CFAP263: variants seen among roughly 807,000 people sequenced by gnomAD.
The protein encoded by CFAP263 is cilia- and flagella-associated protein 263.
the CFAP263 span, among the ~76,000 whole-genome samples, chr16:58,273,546 C>T: frequency 2.0e-5 from 3 of 152,100 alleles, no homozygotes; most frequent in African/African-American, 7.2e-5. Flanking sequence ...TGAATTTCTA[C>T]CTCTTTGTTG....
At chr16:58,267,029 C>T in the CFAP263 span, among the ~76,000 whole-genome samples, 2 of 152,176 alleles carry the variant, frequency 1.3e-5, no homozygotes, top group African/African-American at 4.8e-5. Context: ...GTAGCACCCA[C>T]CTCATGAGGA....
At chr16:58,278,477 C>T in the CFAP263 span, 1 of 1,613,728 alleles carries the variant, frequency 6.2e-7, no homozygotes. Context: ...TCCTTCCCAA[C>T]CCAGGACCGG....
the CFAP263 span, among the ~76,000 whole-genome samples, chr16:58,260,885 T>TC: frequency 1.3e-5 from 2 of 152,062 alleles, no homozygotes; most frequent in African/African-American, 4.8e-5. Context: ...GCACTTTTGA[T>TC]CCCCCAAAAT....
the CFAP263 span, chr16:58,280,128 G>A: frequency 2.4e-6 from 3 of 1,275,406 alleles, no homozygotes; most frequent in Non-Finnish European, 3.3e-6. Context: ...CAGCCCCAGT[G>A]TGCAACTATC....
At chr16:58,258,266 T>C in the CFAP263 span, 3 of 946,280 alleles carry the variant, frequency 3.2e-6, no homozygotes, top group African/African-American at 4.9e-5. Flanking sequence ...AGAAACATAA[T>C]ATTTTGGGAC....
the CFAP263 span, chr16:58,250,014 G>A: frequency 1.3e-6 from 2 of 1,583,744 alleles, no homozygotes; most frequent in Non-Finnish European, 1.7e-6. Context: ...TCGGCAGAGT[G>A]ATGACTGATG....
the CFAP263 span, among the ~76,000 whole-genome samples, chr16:58,276,919 A>G: frequency 6.6e-6 from 1 of 152,206 alleles, no homozygotes; most frequent in African/African-American, 2.4e-5. Context: ...GCTACTATTT[A>G]GGTCAAAAAA....
At chr16:58,272,058 A>G in the CFAP263 span, among the ~76,000 whole-genome samples, 1 of 149,332 alleles carries the variant, frequency 6.7e-6, no homozygotes, top group Non-Finnish European at 1.5e-5. Flanking sequence ...TCTGTCGCCC[A>G]GGCTGGAGTG....
the CFAP263 span, chr16:58,252,761 A>G: frequency 1.9e-6 from 3 of 1,613,274 alleles, no homozygotes; most frequent in African/African-American, 2.7e-5. Context: ...TGAGACTGAG[A>G]TGTTTGAGAA....
At chr16:58,249,968 G>T in the CFAP263 span, 1 of 1,318,558 alleles carries the variant, frequency 7.6e-7, no homozygotes. Context: ...GCCGGCACCC[G>T]GAGCTCCTGG....
the CFAP263 span, among the ~76,000 whole-genome samples, chr16:58,251,221 G>A: frequency 0.15 from 22,959 of 152,148 alleles, 2,214 homozygotes; most frequent in East Asian, 0.33. Flanking sequence ...AAACAAAGAC[G>A]CAGAGGTGAA....
At chr16:58,281,465 A>C in the CFAP263 span, 4 of 152,564 alleles carry the variant, frequency 2.6e-5, no homozygotes, top group African/African-American at 9.6e-5. Context: ...TATAAAGGCC[A>C]GCATTTTTCT....
chr16:58,251,430 C>G, the CFAP263 span, among the ~76,000 whole-genome samples: 1 of 152,192 alleles, frequency 6.6e-6, no homozygotes, highest in Non-Finnish European at 1.5e-5. Flanking sequence ...CTCGCTCTGT[C>G]GCCCAGGCTG....
At chr16:58,279,022 C>T in the CFAP263 span, among the ~76,000 whole-genome samples, 1 of 152,062 alleles carries the variant, frequency 6.6e-6, no homozygotes, top group Non-Finnish European at 1.5e-5. Context: ...TAATATCACT[C>T]AGGACCTCAT....
chr16:58,252,199 C>T, the CFAP263 span, among the ~76,000 whole-genome samples: 1 of 151,562 alleles, frequency 6.6e-6, no homozygotes, highest in Admixed American at 6.6e-5. Context: ...CAAGATACCA[C>T]CTCTACAAAA....
At chr16:58,283,574 A>G in the CFAP263 span, 3 of 152,186 alleles carry the variant, frequency 2.0e-5, no homozygotes, top group African/African-American at 4.8e-5. Flanking sequence ...GGTGCATTCT[A>G]TAATTGGCAG....
chr16:58,275,423 A>G, the CFAP263 span, among the ~76,000 whole-genome samples: 1 of 121,306 alleles, frequency 8.2e-6, no homozygotes, highest in Non-Finnish European at 1.8e-5. Context: ...TTAAAATACC[A>G]AGGAAGGTTT....
the CFAP263 span, chr16:58,252,964 T>G: frequency 4.8e-6 from 5 of 1,033,736 alleles, no homozygotes; most frequent in Middle Eastern, 6.3e-4. Context: ...CCATGGGACC[T>G]TCTCCCTGTT....
chr16:58,282,097 C>G, the CFAP263 span: 1 of 151,962 alleles, frequency 6.6e-6, no homozygotes, highest in Non-Finnish European at 1.5e-5. Flanking sequence ...CAACCTCCTC[C>G]TCCTGGGTTC....
Sources: gnomAD v4.1 joint callset for allele counts (sites outside exome capture counted in the v4.1 genomes callset) on GRCh38, gnomAD v4.1.1 for gene constraint, MANE v1.5 for transcripts, NCBI Gene and HGNC (gene_info 2026-07-23, HGNC 2026-07-21) for gene names.